NPSR1: variants seen among roughly 807,000 people sequenced by gnomAD.
The protein encoded by NPSR1 is neuropeptide S receptor 1, also known as neuropeptide S receptor.
NPSR1 carries 48 observed loss-of-function variants against 46.9 expected under a neutral mutation model. The ratio of observed to expected loss-of-function variants is 1.02; its 90% CI spans 0.81 to 1.30. The LOEUF (loss-of-function observed/expected upper bound fraction) is 1.30. Ranked by LOEUF, NPSR1 falls within the 50% of genes most tolerant of loss-of-function variation. The pLI, the probability that NPSR1 is intolerant of heterozygous loss-of-function variation, is 0.00. For synonymous variants in NPSR1, 176 were observed against 168.1 expected (o/e 1.05, Z -0.36); for missense variants, 450 against 449.5 (o/e 1.00, Z -0.01).
At position 34,725,778 on chromosome 7, in the gene NPSR1, G is replaced by A. The variant is rs545419633; in HGVS notation, c.280+41094G>A. ...GATAAAGGACTATTGATATGGTTTG[G>A]CTGTGTCCCCACCAAAATCTCACCT... On this transcript the variant is annotated intron_variant, in intron 2 of 8. Transcript: ENST00000360581. 1.1e-4 allele frequency among the ~76,000 whole-genome samples: 17 copies of A among 152,304 alleles called. 1 individual carries two copies. In the East Asian group the frequency reaches 3.3e-3, roughly 29 times the overall value.
chr7:34,844,059 T>A (rs376556385), intron 6 of NPSR1, among the ~76,000 whole-genome samples: 4 of 152,266 alleles, frequency 2.6e-5, no homozygotes, highest in African/African-American at 9.6e-5. Flanking sequence ...GTGGAAGCCC[T>A]GACAGTAGAA....
At chr7:34,671,548 G>C (rs1242059496) in intron 1 of NPSR1, among the ~76,000 whole-genome samples, 1 of 152,138 alleles carries the variant, frequency 6.6e-6, no homozygotes, top group Non-Finnish European at 1.5e-5. Context: ...ATGCAGGCAA[G>C]GGAACAAGAC....
chr7:34,850,651 T>A (rs1343820004), downstream of NPSR1, among the ~76,000 whole-genome samples: 1 of 152,084 alleles, frequency 6.6e-6, no homozygotes, highest in Admixed American at 6.6e-5. Flanking sequence ...CTGCCTGCCT[T>A]GGCCTCCCAA....
intron 2 of NPSR1, among the ~76,000 whole-genome samples, chr7:34,725,054 A>T (rs1470288989): frequency 6.6e-6 from 1 of 151,700 alleles, no homozygotes; most frequent in Non-Finnish European, 1.5e-5. Context: ...GCAAAAAAGG[A>T]AAGGGACCTC....
chr7:34,724,472 G>A (rs35739456), intron 2 of NPSR1, among the ~76,000 whole-genome samples: 3,705 of 152,296 alleles, frequency 0.024, 126 homozygotes, highest in African/African-American at 0.083. Flanking sequence ...AGGAAAAGGT[G>A]GGTTCAGAGA....
intron 1 of NPSR1, among the ~76,000 whole-genome samples, chr7:34,681,060 A>G (rs758315509): frequency 6.6e-6 from 1 of 151,960 alleles, no homozygotes; most frequent in Non-Finnish European, 1.5e-5. Context: ...TGTCAGGCAG[A>G]TCGTCTGCAT....
At chr7:34,678,114 C>T (rs1262878358) in intron 1 of NPSR1, among the ~76,000 whole-genome samples, 1 of 149,732 alleles carries the variant, frequency 6.7e-6, no homozygotes, top group Non-Finnish European at 1.5e-5. Context: ...AATGAAAGTT[C>T]AACAGAGACC....
chr7:34,700,496 C>T (rs926931680), intron 2 of NPSR1, among the ~76,000 whole-genome samples: 1 of 152,026 alleles, frequency 6.6e-6, no homozygotes, highest in Admixed American at 6.6e-5. Flanking sequence ...CATACAAATC[C>T]CAAGTAAGAG....
At chr7:34,681,367 T>G (rs1792625213) in intron 1 of NPSR1, among the ~76,000 whole-genome samples, 1 of 152,096 alleles carries the variant, frequency 6.6e-6, no homozygotes, top group Non-Finnish European at 1.5e-5. Context: ...CCTTTGACAG[T>G]TTTAGCTCCA....
intron 2 of NPSR1, among the ~76,000 whole-genome samples, chr7:34,738,694 T>G (rs1264082818): frequency 6.6e-6 from 1 of 152,214 alleles, no homozygotes; most frequent in African/African-American, 2.4e-5. Context: ...CTGATTTAAA[T>G]TGATTTATAT....
At chr7:34,790,631 T>C (rs1354017769) in intron 3 of NPSR1, among the ~76,000 whole-genome samples, 1 of 143,770 alleles carries the variant, frequency 7.0e-6, no homozygotes, top group Non-Finnish European at 1.5e-5. Context: ...ATATAAAATA[T>C]ATAATTTATA....
At chr7:34,802,160 A>T (rs1788452909) in intron 3 of NPSR1, among the ~76,000 whole-genome samples, 1 of 150,446 alleles carries the variant, frequency 6.6e-6, no homozygotes, top group Non-Finnish European at 1.5e-5. Flanking sequence ...TTATAGATTC[A>T]ATGCCATCCC....
intron 5 of NPSR1, among the ~76,000 whole-genome samples, chr7:34,833,685 C>T (rs1790226416): frequency 6.6e-6 from 1 of 152,204 alleles, no homozygotes; most frequent in Non-Finnish European, 1.5e-5. Context: ...CGTGGCTTAA[C>T]CGGGTCCTCT....
chr7:34,712,402 AT>A (rs1783344528), intron 2 of NPSR1, among the ~76,000 whole-genome samples: 1 of 152,146 alleles, frequency 6.6e-6, no homozygotes, highest in South Asian at 2.1e-4. Flanking sequence ...TTTATTCAAA[AT>A]TCAAATTAAT....
intron 2 of NPSR1, among the ~76,000 whole-genome samples, chr7:34,749,536 G>A (rs1313853227): frequency 1.3e-5 from 2 of 152,128 alleles, no homozygotes; most frequent in Non-Finnish European, 2.9e-5. Context: ...AAGTCACAAA[G>A]CAATTACCTG....
chr7:34,724,919 T>A (rs771740261), intron 2 of NPSR1, among the ~76,000 whole-genome samples: 1 of 152,046 alleles, frequency 6.6e-6, no homozygotes, highest in Non-Finnish European at 1.5e-5. Flanking sequence ...AAAGAGTGAT[T>A]AAATAAAACC....
chr7:34,750,864 A>T (rs1390018409), intron 2 of NPSR1: 2 of 700,638 alleles, frequency 2.9e-6, no homozygotes, highest in African/African-American at 1.8e-5. Context: ...GTCTTTGGTG[A>T]TGATGTAGGA....
At chr7:34,775,286 G>A (rs906505096) in intron 2 of NPSR1, among the ~76,000 whole-genome samples, 2 of 152,150 alleles carry the variant, frequency 1.3e-5, no homozygotes, top group African/African-American at 4.8e-5. Flanking sequence ...TGTTTCATGT[G>A]AATACAGACT....
intron 2 of NPSR1, among the ~76,000 whole-genome samples, chr7:34,692,536 G>T (rs1443754006): frequency 6.6e-6 from 1 of 151,920 alleles, no homozygotes; most frequent in Non-Finnish European, 1.5e-5. Context: ...AAAACCTCTG[G>T]GATATAGTGA....
Sources: allele counts gnomAD v4.1 joint callset (sites outside exome capture counted in the v4.1 genomes callset), GRCh38; gene constraint gnomAD v4.1.1; transcripts MANE v1.5; gene names NCBI Gene and HGNC (gene_info 2026-07-23, HGNC 2026-07-21).